The following PPFIA3 variants were observed in gnomAD, a reference collection of about 807,000 sequenced individuals.
PPFIA3 encodes liprin-alpha-3.
A neutral mutation model predicts 145.8 loss-of-function variants in PPFIA3; 26 were observed. The observed-to-expected ratio is 0.18, with a 90% CI of 0.13 to 0.25. PPFIA3 has a LOEUF of 0.25. Among genes scored for constraint, PPFIA3 ranks in the 10% least tolerant of loss-of-function variants. The pLI is 1.00. For synonymous variants in PPFIA3, 645 were observed against 661.4 expected (o/e 0.98, Z 0.38); for missense variants, 1,008 against 1,587.8 (o/e 0.63, Z 6.21).
Position 49,149,887 on chromosome 19 carries a change from A to G in PPFIA3, c.3526+169A>G. 1.8e-6 allele frequency: 2 copies of G among 1,121,062 alleles called. No individual in the cohort carries two copies. The highest frequency in any genetic ancestry group is 2.5e-6 in the Non-Finnish European group (2 of 801,054). 69.4% of individuals were successfully genotyped at this position (1,121,062 alleles called of 1,614,324 possible). On this transcript the variant is annotated intron_variant, in intron 28 of 29. Coordinates refer to ENST00000334186, the MANE Select transcript of PPFIA3 (RefSeq NM_003660.4). The surrounding 1 kb of genome is among the most constrained non-coding windows in gnomAD (Gnocchi z 5.7). ...CGTCAGGATGAAATGGATAAATCCC[A>G]CTCCCCCTTCCCAGGGCGGGAGTGA...
At position 49,149,310 on chromosome 19, in the gene PPFIA3, C is replaced by T; in HGVS notation, c.3339C>T (p.Asp1113=). 1 of 1,614,124 alleles carries T rather than the reference C, an allele frequency of 6.2e-7. No homozygotes were observed. Among genetic ancestry groups the T allele is most frequent in the South Asian group, 1.1e-5 (1 of 91,076 alleles). ...EFSNLISLGT[D]RRLDEDSAKS... is the part of the protein sequence containing the mutation. Reference sequence around the variant, plus strand: ...GCAACCTTATCTCCTTAGGCACAGACAGGCGGCTGGACGAGGTGGGCGCGG... The same window carrying T: ...GCAACCTTATCTCCTTAGGCACAGATAGGCGGCTGGACGAGGTGGGCGCGG... Residue 1113 remains aspartate (D), a synonymous_variant, in exon 27 of 30, where the codon GAC becomes GAT. Transcript: ENST00000334186. This position sits in a 1 kb window ranked among gnomAD's most constrained non-coding sequence, Gnocchi z 5.7.
chr19:49,141,960 C>A, intron 19 of PPFIA3, 74 bp from the exon 20 acceptor site: 1 of 1,173,740 alleles, frequency 8.5e-7, no homozygotes, highest in Non-Finnish European at 1.2e-6. Flanking sequence ...TGTATGTGTG[C>A]TGATGGGGGC....
rs2041329785 is a variant in PPFIA3 at position 49,150,152 on chromosome 19, G to C, written c.*13+1G>C. 1.2e-6 allele frequency: 2 copies of C among 1,605,576 alleles called. No individual in the cohort carries two copies. The highest frequency in any genetic ancestry group is 3.4e-5 in the Admixed American group (2 of 58,654). ...TATTCCTGCTAGTGCAGGCCTCCAGGTGAGGACCGTGCTGGGCGACCTTGG... is the reference window on the plus strand; with the variant it reads ...TATTCCTGCTAGTGCAGGCCTCCAGCTGAGGACCGTGCTGGGCGACCTTGG... On this transcript the variant is annotated splice_donor_variant, in intron 29 of 29. Coordinates refer to ENST00000334186, the MANE Select transcript of PPFIA3 (RefSeq NM_003660.4). LOFTEE classifies it low-confidence loss of function (3UTR_SPLICE).
Position 49,145,952 on chromosome 19 carries a change from A to C in PPFIA3, c.2755A>C (p.Asn919His). 6.2e-7 allele frequency: 1 copy of C among 1,613,930 alleles called. No homozygotes were observed. The highest frequency in any genetic ancestry group is 2.2e-5 in the East Asian group (1 of 44,876). ...ACTCCCTGCCCCTCAGTCCACAGGAAACGTGTGGATGACACACGAGGAGAT... is the reference window on the plus strand; with the variant it reads ...ACTCCCTGCCCCTCAGTCCACAGGACACGTGTGGATGACACACGAGGAGAT... ...APASSRTSTGNVWMTHEEMES... is the reference protein window; with the variant it reads ...APASSRTSTGHVWMTHEEMES... Residue 919 changes from asparagine to histidine, a missense_variant, in exon 22 of 30, where the codon AAC becomes CAC. This residue lies in a region of PPFIA3 where 154 missense variants were observed against 369.2 expected (regional missense o/e 0.42). Coordinates refer to ENST00000334186, the MANE Select transcript of PPFIA3 (RefSeq NM_003660.4).
chr19:49,127,303 A>G (rs1166981900), intron 1 of PPFIA3, among the ~76,000 whole-genome samples: 2 of 145,764 alleles, frequency 1.4e-5, no homozygotes, highest in African/African-American at 5.2e-5. Flanking sequence ...AATTGCTTGA[A>G]CCGGGACCCG....
intron 18 of PPFIA3, among the ~76,000 whole-genome samples, chr19:49,140,771 C>G (rs984102467): frequency 6.7e-5 from 10 of 150,120 alleles, no homozygotes; most frequent in African/African-American, 2.2e-4. Context: ...TCTCCTGCCT[C>G]AGCCTCCCCA....
At chr19:49,150,199 A>G in intron 29 of PPFIA3, 37 bp from the exon 30 acceptor site, 2 of 1,487,434 alleles carry the variant, frequency 1.3e-6, no homozygotes, top group Middle Eastern at 1.9e-4. Flanking sequence ...GGCACGGTGG[A>G]TCTTCACTGC....
Position 49,136,783 on chromosome 19 carries a change from C to A in PPFIA3, c.1725C>A (p.Asp575Glu). The change falls in exon 15 of 30, where the codon GAC (aspartate) becomes GAA (glutamate). Residue 575 changes from aspartate (D) to glutamate (E), a missense_variant. Physicochemically the swap from Asp to Glu is conservative, Grantham distance 45. Coordinates refer to ENST00000334186, the MANE Select transcript of PPFIA3 (RefSeq NM_003660.4). Reference protein sequence around the residue: ...SIPPPFPGELDGSDEEEAEGM... With the variant: ...SIPPPFPGELEGSDEEEAEGM... ...CACCCCCATTCCCTGGGGAACTGGA[C>A]GGCTCCGATGAGGAGGAGGCAGAGG... is the stretch of plus-strand genomic sequence containing the variant. 1.9e-6 allele frequency: 3 copies of A among 1,588,934 alleles called. No individual in the cohort carries two copies. The highest frequency in any genetic ancestry group is 1.7e-6 in the Non-Finnish European group (2 of 1,167,616).
rs747185334 is a variant in PPFIA3, at chr19:49,139,809, G to C, written c.2218G>C (p.Asp740His). 1.2e-6 allele frequency: 2 copies of C among 1,611,780 alleles called. No homozygotes were observed. Among genetic ancestry groups the C allele is most frequent in the Non-Finnish European group, 1.7e-6 (2 of 1,178,534 alleles). ...ALALQAGSLE[D>H]GGPPRGSEGT... is the part of the protein sequence containing the mutation. Reference sequence around the variant, plus strand: ...GGCACTGCAGGCGGGGTCCCTGGAAGATGGGGGACCCCCACGGGGAAGGTC... The same window carrying C: ...GGCACTGCAGGCGGGGTCCCTGGAACATGGGGGACCCCCACGGGGAAGGTC... The change falls in exon 17 of 30, where the codon GAT becomes CAT. Residue 740 changes from aspartate to histidine, a missense_variant. Coordinates refer to ENST00000334186, the MANE Select transcript of PPFIA3 (RefSeq NM_003660.4).
Position 49,146,021 on chromosome 19 carries a change from C to T in PPFIA3, c.2808+16C>T, listed in dbSNP as rs756617676. On this transcript the variant is annotated intron_variant, in intron 22 of 29. Coordinates refer to ENST00000334186, the MANE Select transcript of PPFIA3 (RefSeq NM_003660.4). ...GACCAAGCCCGTGAGTGCCCCCTGC[C>T]GGCCGCCTTGGGGGTGGCACTAACC... is the stretch of plus-strand genomic sequence containing the variant. 5.0e-6 allele frequency: 8 copies of T among 1,613,440 alleles called. No homozygotes were observed. The highest frequency in any genetic ancestry group is 1.3e-5 in the African/African-American group (1 of 74,856).
In PPFIA3 at chr19:49,120,729, G is replaced by A. The variant is rs2122504360; in HGVS notation, c.-16+1007G>A. 6.6e-6 allele frequency among the ~76,000 whole-genome samples: 1 copy of A among 152,262 alleles called. No individual in the cohort carries two copies. Among genetic ancestry groups the A allele is most frequent in the South Asian group, 2.1e-4 (1 of 4,820 alleles). On this transcript the variant is annotated intron_variant, in intron 1 of 29. Transcript: ENST00000334186. The surrounding 1 kb of genome is among the most constrained non-coding windows in gnomAD (Gnocchi z 4.6). ...TTCTCAATGCAGTTCTCTGACTTCT[G>A]TTCACACTCCCACTTGGGGACCTAA...
Position 49,150,322 on chromosome 19 carries a change from G to A in PPFIA3, c.*100G>A. 1.5e-6 allele frequency: 1 copy of A among 670,364 alleles called. No individual in the cohort carries two copies. Among genetic ancestry groups the A allele is most frequent in the Non-Finnish European group, 2.5e-6 (1 of 405,002 alleles). The allele number at this position is 670,364 out of a possible 1,614,324, so 41.5% of individuals were successfully genotyped here. A position where few individuals can be genotyped will look rare whatever the true frequency, so the allele number is the denominator to read the frequency against. On this transcript the variant is annotated 3_prime_UTR_variant, in exon 30 of 30. Coordinates refer to ENST00000334186, the MANE Select transcript of PPFIA3 (RefSeq NM_003660.4). ...TGTGGCCTCGCCGGGGAGAGCGGGC[G>A]GGGGAGCTCGCGCCGAGGACTGGAC... is the stretch of plus-strand genomic sequence containing the variant.
rs1207814280 is a variant in PPFIA3 at position 49,128,961 on chromosome 19, G to A, written c.456G>A (p.Val152=). The A allele has an allele frequency of 1.2e-6, 2 of 1,613,588 alleles. No individual in the cohort carries two copies. Among genetic ancestry groups the A allele is most frequent in the Non-Finnish European group, 1.7e-6 (2 of 1,179,810 alleles). ...GTGGGGTCTCCTCGGAGGTAGAAGTGCTCAAAGCTCTAAAGTCTCTCTTCG... is the reference window on the plus strand; with the variant it reads ...GTGGGGTCTCCTCGGAGGTAGAAGTACTCAAAGCTCTAAAGTCTCTCTTCG... The part of the protein sequence containing the change: ...SPGGVSSEVE[V]LKALKSLFEH... Residue 152 remains valine, a synonymous_variant, in exon 4 of 30, where the codon GTG becomes GTA. Coordinates refer to ENST00000334186, the MANE Select transcript of PPFIA3 (RefSeq NM_003660.4). The surrounding 1 kb of genome is among the most constrained non-coding windows in gnomAD (Gnocchi z 4.1).
chr19:49,146,187 G>C lies in PPFIA3; in HGVS notation c.2830G>C (p.Glu944Gln). 6.2e-7 allele frequency: 1 copy of C among 1,614,040 alleles called. No homozygotes were observed. Among genetic ancestry groups the C allele is most frequent in the Non-Finnish European group, 8.5e-7 (1 of 1,179,998 alleles). The stretch of plus-strand genomic sequence containing the variant: ...TCAGGAGACCAAGGAGATCAGCTGG[G>C]AGCAGGTAGGGGGCGCGGGGCGGGG... ...TKPETKEISW[E>Q]QILAYGDMNH... Residue 944 changes from glutamate to glutamine, a missense_variant, in exon 23 of 30, where the codon GAG (glutamate) becomes CAG (glutamine). This residue lies in a region of PPFIA3 where 154 missense variants were observed against 369.2 expected (regional missense o/e 0.42). Transcript: ENST00000334186.
At chr19:49,127,345 A>C (rs2041012151) in intron 1 of PPFIA3, among the ~76,000 whole-genome samples, 1 of 143,294 alleles carries the variant, frequency 7.0e-6, no homozygotes, top group Non-Finnish European at 1.5e-5. Flanking sequence ...CCGAGATCGC[A>C]TCACTGCACT....
rs1248392238 is a variant in PPFIA3 at position 49,133,093 on chromosome 19, C to T, written c.972C>T (p.Asp324=). The change falls in exon 8 of 30, where the codon GAC becomes GAT. Residue 324 remains aspartate (D), a synonymous_variant. Coordinates refer to ENST00000334186, the MANE Select transcript of PPFIA3 (RefSeq NM_003660.4). The surrounding 1 kb of genome is among the most constrained non-coding windows in gnomAD (Gnocchi z 7.2). ...SAQREATSLH[D]ANDKLENELA... is the part of the protein sequence containing the mutation. ...AGCGGGAGGCCACGTCTCTGCACGA[C>T]GCCAACGACAAACTGGAGAACGAGT... 6.2e-7 allele frequency: 1 copy of T among 1,612,742 alleles called. No individual in the cohort carries two copies. Among genetic ancestry groups the T allele is most frequent in the Non-Finnish European group, 8.5e-7 (1 of 1,179,748 alleles).
intron 11 of PPFIA3, 30 bp from the exon 12 acceptor site, chr19:49,134,609 C>G (rs976495094): frequency 6.2e-7 from 1 of 1,608,882 alleles, no homozygotes; most frequent in Non-Finnish European, 8.5e-7. Flanking sequence ...CCTCAGGCCT[C>G]ACTCCCTCAC....
intron 23 of PPFIA3, among the ~76,000 whole-genome samples, chr19:49,146,977 C>T (rs1049768694): frequency 6.6e-6 from 1 of 152,102 alleles, no homozygotes; most frequent in African/African-American, 2.4e-5. Flanking sequence ...GAGGCATGAA[C>T]TCACTGTCCA....
chr19:49,129,586 G>A (rs937819900), intron 5 of PPFIA3, 132 bp downstream of exon 5: 1 of 973,064 alleles, frequency 1.0e-6, no homozygotes, highest in African/African-American at 1.6e-5. Flanking sequence ...AAGCTATGGG[G>A]TTGGACTATG....
Sources: allele counts gnomAD v4.1 joint callset (sites outside exome capture counted in the v4.1 genomes callset), GRCh38; gene constraint gnomAD v4.1.1; regional missense constraint gnomAD v4.1.1; non-coding constraint Gnocchi (gnomAD v3.1); transcripts MANE v1.5; gene names NCBI Gene and HGNC (gene_info 2026-07-23, HGNC 2026-07-21).